Variants in RUVBL1 observed in about 807,000 individuals in gnomAD.
The protein encoded by RUVBL1 is RuvB like AAA ATPase 1, also known as ruvB-like 1.
A neutral mutation model predicts 52.4 loss-of-function variants in RUVBL1; 4 were observed. That is an observed-to-expected ratio of 0.08 (90% confidence interval 0.04 to 0.17). The LOEUF is 0.17. RUVBL1 is among the 10% of genes least tolerant of loss of function. The pLI is 1.00. For synonymous variants in RUVBL1, 217 were observed against 214.4 expected, an observed-to-expected ratio of 1.01 and a Z score of -0.10; for missense variants, 298 against 572.8, an observed-to-expected ratio of 0.52 and a Z score of 4.90.
At chr3:128,065,093 T>C (rs1941921757) in exon 10 of RUVBL1, 1 of 1,555,786 alleles carries the variant, frequency 6.4e-7, no homozygotes, top group Non-Finnish European at 8.9e-7. Flanking sequence ...AGTTTCAGAA[T>C]GCCTTGTGTG....
In RUVBL1 at chr3:128,067,820, A is replaced by T. The variant is rs924318832; in HGVS notation, c.940-2600T>A. 5.7e-6 allele frequency: 4 copies of T among 704,554 alleles called. No homozygotes were observed. The highest frequency in any genetic ancestry group is 2.5e-4 in the Middle Eastern group (1 of 3,962). 43.6% of individuals were successfully genotyped at this position (704,554 alleles called of 1,614,324 possible). ...TATGAGAATCTGAATCCACACTGTA[A>T]AGTTAGACTTTTTCATATGACTTCC... On this transcript the variant is annotated intron_variant, in intron 9 of 9. Coordinates refer to the RUVBL1 transcript ENST00000464873. The surrounding 1 kb of genome is among the most constrained non-coding windows in gnomAD (Gnocchi z 4.1).
exon 1 of RUVBL1, chr3:128,153,735 G>A (rs1360089391): frequency 6.5e-7 from 1 of 1,546,266 alleles, no homozygotes; most frequent in Non-Finnish European, 8.7e-7. Flanking sequence ...CAGCGCCCGA[G>A]GCCGAGCCCG....
At chr3:128,121,684 T>A (rs1347831508) in intron 1 of RUVBL1, among the ~76,000 whole-genome samples, 1 of 131,266 alleles carries the variant, frequency 7.6e-6, no homozygotes, top group Non-Finnish European at 1.6e-5. Flanking sequence ...CACTCCAGCC[T>A]GGGCAACAAG....
At chr3:128,151,070 CTATA>C (rs1434937413) in intron 1 of RUVBL1, among the ~76,000 whole-genome samples, 1 of 102,590 alleles carries the variant, frequency 9.7e-6, no homozygotes, top group East Asian at 2.5e-4. Flanking sequence ...TATATGTTCT[CTATA>C]TATTCTCTAT....
intron 1 of RUVBL1, among the ~76,000 whole-genome samples, chr3:128,148,816 A>G (rs929549993): frequency 2.6e-5 from 4 of 152,164 alleles, no homozygotes; most frequent in Admixed American, 2.6e-4. Flanking sequence ...TTTTTCAGTT[A>G]CCAATATTAT....
intron 6 of RUVBL1, 133 bp downstream of exon 6, chr3:128,100,462 T>C (rs553861372): frequency 1.2e-5 from 12 of 1,027,786 alleles, no homozygotes; most frequent in South Asian, 5.3e-5. Flanking sequence ...TCGATGTTAA[T>C]TGCTGAACAT....
At chr3:128,116,586 G>C (rs1943528803) in intron 2 of RUVBL1, among the ~76,000 whole-genome samples, 1 of 150,312 alleles carries the variant, frequency 6.7e-6, no homozygotes, top group Non-Finnish European at 1.5e-5. Flanking sequence ...TGTAATCTTT[G>C]ATTGCATTTT....
chr3:128,115,642 C>CA lies in RUVBL1; in HGVS notation c.229-2623dup, dbSNP rs372462008. ...TGGGAGGAAAGCAATACAATATCACCAAAAAAAATGAAAGACATATGCTTC... is the reference window on the plus strand; with the variant it reads ...TGGGAGGAAAGCAATACAATATCACCAAAAAAAAATGAAAGACATATGCTTC... On this transcript the variant is annotated intron_variant, in intron 2 of 10. Coordinates refer to ENST00000322623, the MANE Select transcript of RUVBL1 (RefSeq NM_003707.3). 1.6e-3 allele frequency among the ~76,000 whole-genome samples: 236 copies of CA among 151,906 alleles called. 1 individual carries two copies. Among genetic ancestry groups the CA allele is most frequent in the African/African-American group, 2.1e-3 (85 of 41,456 alleles).
chr3:128,127,830 C>A (rs1943813840), upstream of RUVBL1, among the ~76,000 whole-genome samples: 1 of 152,148 alleles, frequency 6.6e-6, no homozygotes. Context: ...AACCCCATCT[C>A]TACTAAAAAT....
At chr3:128,091,497 C>T (rs1281601357) in intron 8 of RUVBL1, among the ~76,000 whole-genome samples, 1 of 152,188 alleles carries the variant, frequency 6.6e-6, no homozygotes, top group Non-Finnish European at 1.5e-5. Flanking sequence ...TGTCCAAACT[C>T]GGCCATTAGT....
At chr3:128,086,700 G>A (rs1942654736) in intron 9 of RUVBL1, among the ~76,000 whole-genome samples, 1 of 152,236 alleles carries the variant, frequency 6.6e-6, no homozygotes, top group Non-Finnish European at 1.5e-5. Context: ...AAATAAAATA[G>A]ATGGTGATCA....
At chr3:128,130,309 A>G (rs1018496203) in intron 1 of RUVBL1, among the ~76,000 whole-genome samples, 15 of 152,094 alleles carry the variant, frequency 9.9e-5, no homozygotes, top group African/African-American at 3.4e-4. Flanking sequence ...AAATTTGTGG[A>G]AAAAAACTGT....
upstream of RUVBL1, among the ~76,000 whole-genome samples, chr3:128,124,494 A>G (rs542020091): frequency 1.3e-5 from 2 of 152,344 alleles, no homozygotes; most frequent in South Asian, 2.1e-4. Flanking sequence ...CAAAACCTAT[A>G]TAATAATGCT....
At chr3:128,108,194 G>C (rs144814203) in intron 3 of RUVBL1, among the ~76,000 whole-genome samples, 66 of 152,226 alleles carry the variant, frequency 4.3e-4, no homozygotes, top group African/African-American at 1.5e-3. Flanking sequence ...TCGGCTTATT[G>C]CTTCCTCCCC....
intron 1 of RUVBL1, among the ~76,000 whole-genome samples, chr3:128,119,880 C>T (rs556636886): frequency 6.6e-6 from 1 of 152,180 alleles, no homozygotes; most frequent in South Asian, 2.1e-4. Context: ...GCGAAAAAGA[C>T]CAGGAAGATG....
At chr3:128,113,394 C>G (rs987554794) in intron 2 of RUVBL1, among the ~76,000 whole-genome samples, 1 of 152,092 alleles carries the variant, frequency 6.6e-6, no homozygotes, top group Non-Finnish European at 1.5e-5. Flanking sequence ...AAAATGGCAG[C>G]GCAGATTTAA....
At chr3:128,085,127 G>A (rs187588633) in intron 9 of RUVBL1, 1 of 152,318 alleles carries the variant, frequency 6.6e-6, no homozygotes, top group African/African-American at 2.4e-5. Context: ...GACCCTAGAG[G>A]GTACCTATGA....
chr3:128,074,179 T>C (rs953973987), intron 9 of RUVBL1, among the ~76,000 whole-genome samples: 2 of 152,006 alleles, frequency 1.3e-5, no homozygotes, highest in African/African-American at 4.8e-5. Context: ...AGCTGAAAAA[T>C]AGGGAACAGC....
intron 1 of RUVBL1, among the ~76,000 whole-genome samples, chr3:128,140,052 AAATT>A (rs1360703212): frequency 6.6e-6 from 1 of 152,118 alleles, no homozygotes; most frequent in African/African-American, 2.4e-5. Context: ...TAACACAAAT[AAATT>A]ATGTACGCTT....
Sources: allele counts gnomAD v4.1 joint callset (sites outside exome capture counted in the v4.1 genomes callset), GRCh38; gene constraint gnomAD v4.1.1; non-coding constraint Gnocchi (gnomAD v3.1); transcripts MANE v1.5; gene names NCBI Gene and HGNC (gene_info 2026-07-23, HGNC 2026-07-21).